Variants in ARHGEF28 observed in about 807,000 individuals in gnomAD.
ARHGEF28 encodes the protein Rho guanine nucleotide exchange factor 28.
In ARHGEF28, 152 loss-of-function variants were observed where a neutral mutation model predicts 206.6. The ratio of observed to expected loss-of-function variants is 0.74; its 90% CI spans 0.64 to 0.84. The LOEUF is 0.84. Ranked by LOEUF, ARHGEF28 falls within the 40% of genes least tolerant of loss-of-function variation. The pLI is 0.00. For synonymous variants in ARHGEF28, 763 were observed against 776.4 expected, an observed-to-expected ratio of 0.98 and a Z score of 0.29; for missense variants, 2,028 against 2,073.2, an observed-to-expected ratio of 0.98 and a Z score of 0.42.
intron 1 of ARHGEF28, among the ~76,000 whole-genome samples, chr5:73,668,574 T>C (rs1283006530): frequency 1.3e-5 from 2 of 152,186 alleles, no homozygotes; most frequent in African/African-American, 4.8e-5. Context: ...TTGCACGGGG[T>C]TTAAGTTTCC....
intron 9 of ARHGEF28, among the ~76,000 whole-genome samples, chr5:73,809,567 C>T (rs1483616529): frequency 6.6e-6 from 1 of 152,142 alleles, no homozygotes; most frequent in Non-Finnish European, 1.5e-5. Context: ...TTTGGGTCCC[C>T]CTGGAGGATG....
In ARHGEF28 at chr5:73,757,009, C is replaced by T. The variant is rs117186803; in HGVS notation, c.475+3807C>T. ...TATACTCTATGGATGTATTTTGACTCATTGCCTATTCATAACCATTTGGTG... is the reference window on the plus strand; with the variant it reads ...TATACTCTATGGATGTATTTTGACTTATTGCCTATTCATAACCATTTGGTG... On this transcript the variant is annotated intron_variant, in intron 4 of 35. Transcript: ENST00000513042. 1.7e-3 allele frequency among the ~76,000 whole-genome samples: 257 copies of T among 152,270 alleles called. 7 individuals are homozygous for T. In the East Asian group the frequency reaches 0.045, roughly 26 times the overall value.
chr5:73,711,636 A>G (rs1485620454), intron 2 of ARHGEF28, among the ~76,000 whole-genome samples: 3 of 152,146 alleles, frequency 2.0e-5, no homozygotes, highest in African/African-American at 7.2e-5. Flanking sequence ...TTGCTAGTAT[A>G]TGGGAATACG....
chr5:73,852,248 T>C (rs9637819), intron 13 of ARHGEF28, among the ~76,000 whole-genome samples: 19,148 of 152,210 alleles, frequency 0.13, 1,653 homozygotes, highest in African/African-American at 0.22. Flanking sequence ...AAGACTTCAT[T>C]TGAGCTTTGT....
At chr5:73,876,054 A>G (rs1487998811) in intron 22 of ARHGEF28, among the ~76,000 whole-genome samples, 4 of 149,324 alleles carry the variant, frequency 2.7e-5, no homozygotes, top group Non-Finnish European at 4.5e-5. Context: ...ACCCATGAGC[A>G]TAGAATGTTC....
intron 2 of ARHGEF28, among the ~76,000 whole-genome samples, chr5:73,746,602 A>G (rs1196152554): frequency 6.6e-6 from 1 of 152,122 alleles, no homozygotes; most frequent in African/African-American, 2.4e-5. Flanking sequence ...TTCTAATTTT[A>G]TGCTTTTATG....
chr5:73,896,473 A>G (rs1761966758), intron 29 of ARHGEF28, among the ~76,000 whole-genome samples: 1 of 152,168 alleles, frequency 6.6e-6, no homozygotes, highest in South Asian at 2.1e-4. Context: ...GCTTTTAATC[A>G]TGGGTGTGGC....
intron 2 of ARHGEF28, among the ~76,000 whole-genome samples, chr5:73,739,230 A>G (rs564654672): frequency 1.3e-5 from 2 of 152,288 alleles, no homozygotes; most frequent in South Asian, 2.1e-4. Context: ...GCATTTGTCA[A>G]TTCGATGGAA....
At chr5:73,817,446 T>C (rs1361614721) in intron 9 of ARHGEF28, among the ~76,000 whole-genome samples, 1 of 152,198 alleles carries the variant, frequency 6.6e-6, no homozygotes, top group Non-Finnish European at 1.5e-5. Flanking sequence ...GATATCTGAG[T>C]CCCAAAATAA....
chr5:73,844,182 A>G (rs2112582457), intron 11 of ARHGEF28, among the ~76,000 whole-genome samples: 1 of 152,372 alleles, frequency 6.6e-6, no homozygotes, highest in African/African-American at 2.4e-5. Context: ...GTTTTATAGT[A>G]TGCAAAATAA....
Position 73,824,246 on chromosome 5 carries a change from G to A in ARHGEF28, c.1025-8092G>A, listed in dbSNP as rs186955846. 4.5e-4 allele frequency among the ~76,000 whole-genome samples: 69 copies of A among 152,350 alleles called. 1 individual carries two copies. The highest frequency in any genetic ancestry group is 1.3e-4 in the Non-Finnish European group (9 of 68,034). ...ACTGCTACCAGAAGGCATAAGAGGT[G>A]CATGGTATTGTGGTGTTTTACACAA... On this transcript the variant is annotated intron_variant, in intron 9 of 35. Transcript: ENST00000513042.
intron 6 of ARHGEF28, 36 bp downstream of exon 6, chr5:73,776,732 T>C: frequency 6.5e-7 from 1 of 1,547,078 alleles, no homozygotes; most frequent in Non-Finnish European, 8.8e-7. Flanking sequence ...TGATAATGCA[T>C]GCTTCAGAGA....
chr5:73,761,172 A>T (rs1375204274), intron 4 of ARHGEF28, among the ~76,000 whole-genome samples: 2 of 152,178 alleles, frequency 1.3e-5, no homozygotes, highest in Non-Finnish European at 2.9e-5. Flanking sequence ...ACGTAGCAGG[A>T]TGCATATAGC....
chr5:73,693,943 G>A (rs1748013906), intron 2 of ARHGEF28, among the ~76,000 whole-genome samples: 1 of 152,094 alleles, frequency 6.6e-6, no homozygotes, highest in African/African-American at 2.4e-5. Context: ...AGAGGACCAT[G>A]GTAACTGTTT....
intron 21 of ARHGEF28, 45 bp downstream of exon 21, chr5:73,870,254 A>G (rs1314114424): frequency 6.4e-7 from 1 of 1,569,504 alleles, no homozygotes; most frequent in South Asian, 1.2e-5. Context: ...AGTGCGGTTC[A>G]GAGAAAAGAA....
intron 1 of ARHGEF28, among the ~76,000 whole-genome samples, chr5:73,657,174 A>C (rs1489544497): frequency 8.0e-4 from 10 of 12,482 alleles, no homozygotes; most frequent in East Asian, 4.5e-3. Flanking sequence ...CTCCGTCCCA[A>C]AAAAAAAAAA....
chr5:73,838,875 T>C (rs1156749986), intron 10 of ARHGEF28, among the ~76,000 whole-genome samples: 1 of 148,464 alleles, frequency 6.7e-6, no homozygotes, highest in East Asian at 2.0e-4. Context: ...GTCCCAATAA[T>C]GTTCCCTGTG....
chr5:73,698,881 C>T (rs910685580), intron 2 of ARHGEF28, among the ~76,000 whole-genome samples: 12 of 151,602 alleles, frequency 7.9e-5, no homozygotes, highest in Admixed American at 2.6e-4. Flanking sequence ...CACTGGTTGG[C>T]ACCGGCTGAC....
In ARHGEF28 at chr5:73,749,942, G is replaced by T; in HGVS notation, c.139G>T (p.Ala47Ser). 6.2e-7 allele frequency: 1 copy of T among 1,613,876 alleles called. No individual in the cohort carries two copies. Among genetic ancestry groups the T allele is most frequent in the Non-Finnish European group, 8.5e-7 (1 of 1,179,894 alleles). The change falls in exon 3 of 36, where the codon GCA (alanine) becomes TCA (serine). Residue 47 changes from alanine (A) to serine (S), a missense_variant. Physicochemically the swap from Ala to Ser is moderately conservative, Grantham distance 99. This residue lies in a region of ARHGEF28 where 1,002 missense variants were observed against 1,015.3 expected (regional missense o/e 0.99). Transcript: ENST00000513042. ...ATCTCATCAGCGACATGTCATGATT[G>T]CAGAGCGCATCGAGGATAACGTTCT... ...DGSHQRHVMI[A>S]ERIEDNVLQS...
Sources: gnomAD v4.1 joint callset for allele counts (sites outside exome capture counted in the v4.1 genomes callset) on GRCh38, gnomAD v4.1.1 for gene constraint, gnomAD v4.1.1 regional missense constraint, MANE v1.5 for transcripts, NCBI Gene and HGNC (gene_info 2026-07-23, HGNC 2026-07-21) for gene names.